Variants in LARGE1 observed in about 807,000 individuals in gnomAD.
LARGE1 encodes xylosyl- and glucuronyltransferase LARGE1.
A neutral mutation model predicts 87.6 loss-of-function variants in LARGE1; 43 were observed. The observed-to-expected ratio is 0.49, with a 90% confidence interval of 0.38 to 0.63. The LOEUF is 0.63. Ranked by LOEUF, LARGE1 falls within the 30% of genes least tolerant of loss-of-function variation. The pLI, the probability that LARGE1 is intolerant of heterozygous loss-of-function variation, is 0.00. For synonymous variants in LARGE1, 434 were observed against 394.6 expected, an observed-to-expected ratio of 1.10 and a Z score of -1.18; for missense variants, 802 against 1,000.2, an observed-to-expected ratio of 0.80 and a Z score of 2.67.
At chr22:33,708,304 G>A (rs989999211) in intron 2 of LARGE1, among the ~76,000 whole-genome samples, 7 of 152,066 alleles carry the variant, frequency 4.6e-5, no homozygotes, top group African/African-American at 1.7e-4. Context: ...CAGTGCACTG[G>A]GCACTGAGGC....
At chr22:33,322,214 G>C (rs1260709647) in intron 10 of LARGE1, among the ~76,000 whole-genome samples, 1 of 152,150 alleles carries the variant, frequency 6.6e-6, no homozygotes, top group Non-Finnish European at 1.5e-5. Context: ...TTTCTAAAAA[G>C]CATCCATATG....
chr22:33,601,065 G>A (rs572368378), intron 5 of LARGE1, among the ~76,000 whole-genome samples: 2 of 152,238 alleles, frequency 1.3e-5, no homozygotes, highest in East Asian at 3.9e-4. Context: ...GCAAGACTCT[G>A]TCTGCAAAAC....
chr22:33,578,668 G>A (rs1348611487), intron 5 of LARGE1, among the ~76,000 whole-genome samples: 1 of 152,156 alleles, frequency 6.6e-6, no homozygotes, highest in Non-Finnish European at 1.5e-5. Context: ...TATAGGAGCT[G>A]GGATTAAAAA....
chr22:33,265,694 A>AC (rs142072574), intron 11 of LARGE1, among the ~76,000 whole-genome samples: 2,633 of 152,102 alleles, frequency 0.017, 65 homozygotes, highest in African/African-American at 0.06. Flanking sequence ...CAGCTGTTGG[A>AC]CCCCCAGCAA....
intron 12 of LARGE1, among the ~76,000 whole-genome samples, chr22:33,299,367 C>T (rs1406736308): frequency 2.6e-5 from 4 of 152,024 alleles, no homozygotes; most frequent in African/African-American, 7.3e-5. Context: ...TGCACTGAAA[C>T]GCAGGTCTGA....
intron 5 of LARGE1, among the ~76,000 whole-genome samples, chr22:33,567,534 C>T (rs990758765): frequency 1.3e-5 from 2 of 152,172 alleles, no homozygotes; most frequent in Admixed American, 6.5e-5. Context: ...ATCACTTAAT[C>T]GCCATGTCAC....
At chr22:33,821,158 T>C (rs2086802719) in intron 1 of LARGE1, among the ~76,000 whole-genome samples, 1 of 152,180 alleles carries the variant, frequency 6.6e-6, no homozygotes, top group Admixed American at 6.5e-5. Context: ...GGCTGGCAGA[T>C]GTTGTGACAA....
chr22:33,219,897 T>C (rs1925376193), intron 11 of LARGE1, among the ~76,000 whole-genome samples: 1 of 152,116 alleles, frequency 6.6e-6, no homozygotes, highest in Non-Finnish European at 1.5e-5. Context: ...GGACAGTTTG[T>C]TCCCAACAAT....
chr22:33,449,321 G>A (rs1355181474), intron 6 of LARGE1, among the ~76,000 whole-genome samples: 1 of 152,210 alleles, frequency 6.6e-6, no homozygotes, highest in Non-Finnish European at 1.5e-5. Context: ...TTTAGCTGTT[G>A]AGCAAAGAGG....
chr22:33,530,031 C>CGATA (rs2072118640), intron 6 of LARGE1, among the ~76,000 whole-genome samples: 1 of 152,126 alleles, frequency 6.6e-6, no homozygotes, highest in African/African-American at 2.4e-5. Context: ...CTACTAGCAG[C>CGATA]GATAGGGTCT....
rs75013379 is a variant in LARGE1, at chr22:33,596,555, C to T, written c.615+7880G>A. 3.4e-3 allele frequency among the ~76,000 whole-genome samples: 520 copies of T among 152,124 alleles called. 15 individuals are homozygous for T. In the East Asian group the frequency reaches 0.083, roughly 24 times the overall value. On this transcript the variant is annotated intron_variant, in intron 5 of 14. Transcript: ENST00000397394. ...TAATATTTAACCTCTGTCACCCTGC[C>T]GAATAACACAGGACCACAAAGGAAA...
chr22:33,906,248 A>G (rs962282350), intron 1 of LARGE1, among the ~76,000 whole-genome samples: 11 of 152,218 alleles, frequency 7.2e-5, no homozygotes, highest in Admixed American at 7.2e-4. Context: ...AGGCTGATCA[A>G]TTTCAGGGAA....
At chr22:33,673,341 T>G (rs2081474347) in intron 2 of LARGE1, among the ~76,000 whole-genome samples, 1 of 152,088 alleles carries the variant, frequency 6.6e-6, no homozygotes, top group Admixed American at 6.5e-5. Context: ...ACAACCTCCC[T>G]TGAAGCAGTA....
chr22:33,655,743 G>A (rs1368209107), intron 2 of LARGE1, among the ~76,000 whole-genome samples: 1 of 152,118 alleles, frequency 6.6e-6, no homozygotes, highest in Non-Finnish European at 1.5e-5. Flanking sequence ...GCAAGCATTT[G>A]AGGAAGAGAG....
chr22:33,475,823 C>T (rs1321687782), intron 6 of LARGE1, among the ~76,000 whole-genome samples: 2 of 152,134 alleles, frequency 1.3e-5, no homozygotes, highest in Non-Finnish European at 1.5e-5. Flanking sequence ...TACAATCAGC[C>T]ATTCTTTTTA....
chr22:33,222,904 C>T (rs1483893618), intron 11 of LARGE1, among the ~76,000 whole-genome samples: 1 of 152,154 alleles, frequency 6.6e-6, no homozygotes, highest in Non-Finnish European at 1.5e-5. Context: ...CCAGAGGGAG[C>T]AACATGACTT....
the LARGE1 span, among the ~76,000 whole-genome samples, chr22:33,127,418 C>A: frequency 6.6e-6 from 1 of 152,180 alleles, no homozygotes; most frequent in African/African-American, 2.4e-5. Context: ...GTTAAACGCA[C>A]TAAATATGAT....
At chr22:33,417,628 G>A (rs1215013967) in intron 7 of LARGE1, among the ~76,000 whole-genome samples, 2 of 152,184 alleles carry the variant, frequency 1.3e-5, no homozygotes, top group African/African-American at 4.8e-5. Flanking sequence ...TGGGGGCTCA[G>A]GTGGGTCTTC....
At chr22:33,189,489 ACACT>A (rs1292416822) in intron 11 of LARGE1, among the ~76,000 whole-genome samples, 2 of 152,114 alleles carry the variant, frequency 1.3e-5, no homozygotes, top group East Asian at 3.9e-4. Flanking sequence ...GCACATACAC[ACACT>A]CACGATACTC....
Sources: allele counts gnomAD v4.1 joint callset (sites outside exome capture counted in the v4.1 genomes callset), GRCh38; gene constraint gnomAD v4.1.1; transcripts MANE v1.5; gene names NCBI Gene and HGNC (gene_info 2026-07-23, HGNC 2026-07-21).